The following MATN2 variants were observed in gnomAD, a reference collection of about 807,000 sequenced individuals.
The protein encoded by MATN2 is matrilin-2.
A neutral mutation model predicts 103.2 loss-of-function variants in MATN2; 69 were observed. That is an observed-to-expected ratio of 0.67 (90% CI 0.55 to 0.82). MATN2 has a LOEUF of 0.82. Ranked by LOEUF, MATN2 falls within the 40% of genes least tolerant of loss-of-function variation. The probability of loss-of-function intolerance (pLI) is 0.00; values close to 1 mark genes in which losing one functional copy is unlikely to be tolerated. For missense variants in MATN2, 1,023 were observed against 1,211.5 expected (o/e 0.84, Z 2.31); for synonymous variants, 429 against 450.2 (o/e 0.95, Z 0.60).
Position 98,016,667 on chromosome 8 carries a change from G to A in MATN2, c.1696+5G>A, listed in dbSNP as rs1563728178. On this transcript the variant is annotated splice_donor_5th_base_variant and intron_variant, in intron 11 of 18. Coordinates refer to ENST00000254898, the MANE Select transcript of MATN2 (RefSeq NM_002380.5). ...AAGATGGAAAAACCTGCAGAAGTAA[G>A]TTTGTACTGGAGCTGGCTCCTACTA... 4 of 1,610,078 alleles carry A rather than the reference G, an allele frequency of 2.5e-6. No individual in the cohort carries two copies. The highest frequency in any genetic ancestry group is 3.4e-6 in the Non-Finnish European group (4 of 1,177,760).
chr8:97,965,122 A>C (rs1434577286), intron 5 of MATN2, among the ~76,000 whole-genome samples: 1 of 152,182 alleles, frequency 6.6e-6, no homozygotes, highest in Non-Finnish European at 1.5e-5. Flanking sequence ...TAAATTACAT[A>C]ATCACCCTAG....
rs1459378998 is a variant in MATN2, at chr8:98,032,271, G to C, written c.2535G>C (p.Gln845His). Residue 845 changes from glutamine to histidine, a missense_variant, in exon 16 of 19, where the codon CAG (glutamine) becomes CAC (histidine). Gln to His is a conservative substitution (Grantham distance 24). Coordinates refer to ENST00000254898, the MANE Select transcript of MATN2 (RefSeq NM_002380.5). ...CEALEDSDGRQDSPAGELPKT... is the reference protein window; with the variant it reads ...CEALEDSDGRHDSPAGELPKT... ...CTCTAGAAGACTCCGATGGAAGACA[G>C]GACTCTCCAGCAGGGGAACTGCCAA... 6.2e-7 allele frequency: 1 copy of C among 1,612,046 alleles called. No individual in the cohort carries two copies. Among genetic ancestry groups the C allele is most frequent in the Non-Finnish European group, 8.5e-7 (1 of 1,179,026 alleles).
intron 5 of MATN2, among the ~76,000 whole-genome samples, chr8:97,968,376 T>C (rs1424841274): frequency 6.6e-6 from 1 of 152,264 alleles, no homozygotes; most frequent in Non-Finnish European, 1.5e-5. Flanking sequence ...CTTGTATTCC[T>C]GTCCTGAAAA....
intron 10 of MATN2, among the ~76,000 whole-genome samples, chr8:98,010,363 A>AG (rs1813117254): frequency 1.3e-5 from 2 of 152,190 alleles, no homozygotes; most frequent in Admixed American, 6.5e-5. Context: ...GTGGCAGAGC[A>AG]GAAAGAGTAC....
intron 11 of MATN2, among the ~76,000 whole-genome samples, chr8:98,017,476 C>T (rs986881421): frequency 3.3e-5 from 5 of 152,184 alleles, no homozygotes; most frequent in South Asian, 2.1e-4. Context: ...TTTTTCTCAA[C>T]GTCTCAAAGC....
At chr8:98,019,099 A>G (rs56141649) in intron 12 of MATN2, among the ~76,000 whole-genome samples, 3,943 of 137,032 alleles carry the variant, frequency 0.029, 168 homozygotes, top group African/African-American at 0.097. Flanking sequence ...ATTTATATAT[A>G]TCATAGAAGA....
intron 4 of MATN2, among the ~76,000 whole-genome samples, chr8:97,943,355 C>T (rs1265129438): frequency 1.3e-5 from 2 of 152,034 alleles, no homozygotes; most frequent in African/African-American, 4.8e-5. Flanking sequence ...TCTCAGCTTC[C>T]CACCATCTTG....
chr8:97,898,346 A>C (rs1038293321), intron 2 of MATN2, among the ~76,000 whole-genome samples: 5 of 152,196 alleles, frequency 3.3e-5, no homozygotes, highest in Admixed American at 1.3e-4. Flanking sequence ...CTGTAATCCC[A>C]GCACTTGGGG....
chr8:97,871,035 G>A lies in MATN2; in HGVS notation c.-27+1748G>A, dbSNP rs114209975. 5.2e-3 allele frequency among the ~76,000 whole-genome samples: 789 copies of A among 152,302 alleles called. 3 individuals carry two copies. Among genetic ancestry groups the A allele is most frequent in the African/African-American group, 0.018 (750 of 41,568 alleles). ...GTTTCTTGTTCCCAGGCAACCCAGGGCCACCAAGGCCTAAGCTTGCTTGTT... is the reference window on the plus strand; with the variant it reads ...GTTTCTTGTTCCCAGGCAACCCAGGACCACCAAGGCCTAAGCTTGCTTGTT... On this transcript the variant is annotated intron_variant, in intron 1 of 18. Transcript: ENST00000254898.
chr8:97,941,746 T>C, intron 3 of MATN2, 31 bp from the exon 4 acceptor site: 1 of 1,556,360 alleles, frequency 6.4e-7, no homozygotes, highest in South Asian at 1.2e-5. Flanking sequence ...GGCATCACTG[T>C]TGACTTACCT....
At position 97,994,604 on chromosome 8, in the gene MATN2, T is replaced by A. The variant is rs1245180032; in HGVS notation, c.1204+2T>A. 1 of 1,609,818 alleles carries A rather than the reference T, an allele frequency of 6.2e-7. No homozygotes were observed. Among genetic ancestry groups the A allele is most frequent in the African/African-American group, 1.3e-5 (1 of 74,724 alleles). On this transcript the variant is annotated splice_donor_variant, in intron 7 of 18. Transcript: ENST00000254898. LOFTEE classifies it high-confidence loss of function. ...ATCCAGATAAGAAAACCTGCAGAAG[T>A]AAGTTACAGTGGGAGTTGGAGAAGG... is the stretch of plus-strand genomic sequence containing the variant.
At chr8:97,920,796 A>C (rs755885904) in intron 2 of MATN2, among the ~76,000 whole-genome samples, 2 of 152,162 alleles carry the variant, frequency 1.3e-5, no homozygotes, top group African/African-American at 4.8e-5. Context: ...TCTGGAAGAC[A>C]AATCGGTTTA....
chr8:97,971,220 A>G (rs1421144424), intron 5 of MATN2, among the ~76,000 whole-genome samples: 1 of 152,192 alleles, frequency 6.6e-6, no homozygotes, highest in African/African-American at 2.4e-5. Context: ...TAACTTTCTC[A>G]AGTTTCAAGA....
Position 97,991,459 on chromosome 8 carries a change from C to T in MATN2, c.1082-3021C>T, listed in dbSNP as rs570858949. Among the ~76,000 whole-genome samples, 60 of 152,252 alleles carry T rather than the reference C, an allele frequency of 3.9e-4. 1 individual carries two copies. The highest frequency in any genetic ancestry group is 3.9e-3 in the South Asian group (19 of 4,824). On this transcript the variant is annotated intron_variant, in intron 6 of 18. Coordinates refer to ENST00000254898, the MANE Select transcript of MATN2 (RefSeq NM_002380.5). Reference sequence around the variant, plus strand: ...TTTTTCTGCTGGGCACAGTGGCTCACGCCTGTAATCCTAGCACTTTGAGAG... The same window carrying T: ...TTTTTCTGCTGGGCACAGTGGCTCATGCCTGTAATCCTAGCACTTTGAGAG...
At chr8:97,901,226 A>C (rs1379552647) in intron 2 of MATN2, among the ~76,000 whole-genome samples, 1 of 152,022 alleles carries the variant, frequency 6.6e-6, no homozygotes, top group Non-Finnish European at 1.5e-5. Flanking sequence ...CTTTTTAACT[A>C]TGCCAAAATG....
intron 12 of MATN2, 81 bp from the exon 13 acceptor site, chr8:98,021,124 C>A: frequency 1.5e-6 from 2 of 1,364,356 alleles, no homozygotes; most frequent in South Asian, 1.3e-5. Flanking sequence ...AGATTACTTC[C>A]ACAATCTCTA....
intron 4 of MATN2, among the ~76,000 whole-genome samples, chr8:97,960,721 C>G (rs28522015): frequency 6.6e-6 from 1 of 152,108 alleles, no homozygotes; most frequent in Non-Finnish European, 1.5e-5. Flanking sequence ...TTGTCTCATT[C>G]CTTCTTATAC....
rs538549236 is a variant in MATN2 at position 98,012,745 on chromosome 8, G to A, written c.1574-3795G>A. Among the ~76,000 whole-genome samples the A allele has an allele frequency of 3.0e-3, 461 of 152,310 alleles. 3 individuals are homozygous for A. Among genetic ancestry groups the A allele is most frequent in the African/African-American group, 9.8e-3 (409 of 41,566 alleles). ...CTCCCTTAAGCTAGGATGATCTGTG[G>A]ATGTGCAGCTGGACCAGGGACACGG... On this transcript the variant is annotated intron_variant, in intron 10 of 18. Coordinates refer to ENST00000254898, the MANE Select transcript of MATN2 (RefSeq NM_002380.5).
intron 2 of MATN2, among the ~76,000 whole-genome samples, chr8:97,899,716 G>C (rs1279398967): frequency 6.6e-6 from 1 of 152,170 alleles, no homozygotes; most frequent in Non-Finnish European, 1.5e-5. Flanking sequence ...CCTCCTGAAG[G>C]CCTGGGGGTG....
Sources: gnomAD v4.1 joint callset for allele counts (sites outside exome capture counted in the v4.1 genomes callset) on GRCh38, gnomAD v4.1.1 for gene constraint, MANE v1.5 for transcripts, NCBI Gene and HGNC (gene_info 2026-07-23, HGNC 2026-07-21) for gene names.